The following AGBL4 variants were observed in gnomAD, a reference collection of about 807,000 sequenced individuals.
AGBL4 encodes the protein cytosolic carboxypeptidase 6.
In AGBL4, 58 loss-of-function variants were observed where a neutral mutation model predicts 66.4. The ratio of observed to expected loss-of-function variants is 0.87; its 90% CI spans 0.71 to 1.09. AGBL4 has a LOEUF of 1.09. Among genes scored for constraint, AGBL4 ranks in the 50% least tolerant of loss-of-function variants. The pLI, the probability that AGBL4 is intolerant of heterozygous loss-of-function variation, is 0.00. For synonymous variants in AGBL4, 234 were observed against 222.9 expected (o/e 1.05, Z -0.44); for missense variants, 579 against 631.0 (o/e 0.92, Z 0.88).
intron 6 of AGBL4, among the ~76,000 whole-genome samples, chr1:48,676,385 A>G (rs1465129209): frequency 6.6e-6 from 1 of 152,268 alleles, no homozygotes. Flanking sequence ...GCACAAGCGC[A>G]GTGACTGCGC....
intron 3 of AGBL4, among the ~76,000 whole-genome samples, chr1:49,563,176 C>G (rs1490783109): frequency 6.7e-6 from 1 of 149,968 alleles, no homozygotes; most frequent in Non-Finnish European, 1.5e-5. Flanking sequence ...TGAGACTTTG[C>G]TGAAGTTGCT....
chr1:49,346,339 A>G (rs954803207), intron 3 of AGBL4, among the ~76,000 whole-genome samples: 4 of 152,214 alleles, frequency 2.6e-5, no homozygotes, highest in African/African-American at 9.6e-5. Flanking sequence ...AGAGGAAACA[A>G]GAGGGATAAG....
At chr1:48,957,877 A>G (rs1198055124) in intron 5 of AGBL4, among the ~76,000 whole-genome samples, 1 of 151,938 alleles carries the variant, frequency 6.6e-6, no homozygotes, top group African/African-American at 2.4e-5. Context: ...CCAAAACACA[A>G]CTCTGACCGA....
At chr1:48,785,080 A>G (rs930140176) in intron 6 of AGBL4, among the ~76,000 whole-genome samples, 7 of 152,176 alleles carry the variant, frequency 4.6e-5, no homozygotes, top group Non-Finnish European at 8.8e-5. Context: ...GTGAAATGTC[A>G]CTTCCTCAGG....
At chr1:48,889,926 A>T (rs1328168712) in intron 5 of AGBL4, among the ~76,000 whole-genome samples, 5 of 152,022 alleles carry the variant, frequency 3.3e-5, no homozygotes, top group African/African-American at 1.2e-4. Flanking sequence ...GAACAACATG[A>T]GGCTAAAATG....
intron 2 of AGBL4, among the ~76,000 whole-genome samples, chr1:49,770,399 T>C (rs1644020585): frequency 6.6e-6 from 1 of 152,216 alleles, no homozygotes; most frequent in Admixed American, 6.5e-5. Flanking sequence ...TGATGTTTTT[T>C]AATTTGCTGT....
At chr1:48,908,610 T>C (rs2148878027) in intron 5 of AGBL4, among the ~76,000 whole-genome samples, 1 of 152,358 alleles carries the variant, frequency 6.6e-6, no homozygotes, top group South Asian at 2.1e-4. Context: ...ATTTATGTTA[T>C]CTGATTTAAT....
chr1:49,915,902 C>G (rs181595832), intron 1 of AGBL4, among the ~76,000 whole-genome samples: 2 of 152,242 alleles, frequency 1.3e-5, no homozygotes, highest in Non-Finnish European at 2.9e-5. Context: ...GAGGAATGAT[C>G]AGGCAGCAAC....
intron 4 of AGBL4, among the ~76,000 whole-genome samples, chr1:49,224,309 C>T (rs1235118380): frequency 5.9e-5 from 9 of 152,078 alleles, no homozygotes; most frequent in Non-Finnish European, 5.9e-5. Flanking sequence ...ACACACCAGG[C>T]CTGATTACAT....
chr1:48,832,258 A>G (rs947340315), intron 6 of AGBL4, among the ~76,000 whole-genome samples: 2 of 152,114 alleles, frequency 1.3e-5, no homozygotes, highest in Admixed American at 6.6e-5. Flanking sequence ...TTACATAAGG[A>G]GATGGTTGCT....
chr1:49,684,051 C>G (rs2124570331), intron 3 of AGBL4, among the ~76,000 whole-genome samples: 1 of 152,244 alleles, frequency 6.6e-6, no homozygotes, highest in South Asian at 2.1e-4. Flanking sequence ...GTGGATTGAA[C>G]CATTCTAGAT....
intron 3 of AGBL4, among the ~76,000 whole-genome samples, chr1:49,349,098 C>G (rs186002723): frequency 2.9e-4 from 44 of 152,308 alleles, no homozygotes; most frequent in African/African-American, 1.0e-3. Context: ...AGTCCTTGCT[C>G]ATGCTTCCTG....
At chr1:49,160,684 A>G (rs1273233636) in intron 4 of AGBL4, among the ~76,000 whole-genome samples, 2 of 152,052 alleles carry the variant, frequency 1.3e-5, no homozygotes, top group East Asian at 3.9e-4. Flanking sequence ...TTTCCCAGGG[A>G]GATAGGGGTT....
At chr1:49,600,927 A>G (rs1274894238) in intron 3 of AGBL4, among the ~76,000 whole-genome samples, 1 of 152,144 alleles carries the variant, frequency 6.6e-6, no homozygotes, top group Admixed American at 6.6e-5. Flanking sequence ...TGGGTTGAAA[A>G]TTATTCCCTT....
intron 3 of AGBL4, among the ~76,000 whole-genome samples, chr1:49,499,817 T>A (rs188046214): frequency 2.0e-5 from 3 of 151,972 alleles, no homozygotes; most frequent in African/African-American, 7.2e-5. Context: ...ATTTTGGCAA[T>A]TGAGAATTGT....
Position 49,353,975 on chromosome 1 carries a change from C to T in AGBL4, c.283-108111G>A, listed in dbSNP as rs115164520. On this transcript the variant is annotated intron_variant, in intron 3 of 13. Transcript: ENST00000371839. ...TTCATAATTCTTCAAGTCTGACTGACCTGATTCTTCCTGGATACAAAAAAA... is the reference window on the plus strand; with the variant it reads ...TTCATAATTCTTCAAGTCTGACTGATCTGATTCTTCCTGGATACAAAAAAA... Among the ~76,000 whole-genome samples, 818 of 152,268 alleles carry T rather than the reference C, an allele frequency of 5.4e-3. 3 individuals are homozygous for T. Among genetic ancestry groups the T allele is most frequent in the Middle Eastern group, 0.014 (4 of 294 alleles).
chr1:48,535,119 C>G (rs996574721), intron 12 of AGBL4, among the ~76,000 whole-genome samples: 2 of 151,934 alleles, frequency 1.3e-5, no homozygotes, highest in African/African-American at 2.4e-5. Flanking sequence ...GGGATAGTGG[C>G]AAGGGGATAA....
At chr1:48,801,436 C>T (rs1558004624) in intron 6 of AGBL4, among the ~76,000 whole-genome samples, 2 of 152,338 alleles carry the variant, frequency 1.3e-5, no homozygotes, top group East Asian at 1.9e-4. Flanking sequence ...TGACCCCTCC[C>T]TAGTTTCTCT....
intron 3 of AGBL4, among the ~76,000 whole-genome samples, chr1:49,621,303 C>T (rs1645356178): frequency 6.6e-6 from 1 of 152,214 alleles, no homozygotes; most frequent in African/African-American, 2.4e-5. Flanking sequence ...CACACTACTG[C>T]TGTGTCCGGT....
Sources: allele counts gnomAD v4.1 joint callset (sites outside exome capture counted in the v4.1 genomes callset), GRCh38; gene constraint gnomAD v4.1.1; transcripts MANE v1.5; gene names NCBI Gene and HGNC (gene_info 2026-07-23, HGNC 2026-07-21).